KIF23: variants seen among roughly 807,000 people sequenced by gnomAD.
The protein encoded by KIF23 is kinesin-like protein KIF23.
Under a neutral mutation model 137.5 loss-of-function variants are expected in KIF23, and 30 were observed. The ratio of observed to expected loss-of-function variants is 0.22; its 90% confidence interval spans 0.16 to 0.30. The LOEUF (loss-of-function observed/expected upper bound fraction) is 0.30. KIF23 is among the 10% of genes least tolerant of loss of function. The pLI is 1.00. For synonymous variants in KIF23, 367 were observed against 391.1 expected, an observed-to-expected ratio of 0.94 and a Z score of 0.73; for missense variants, 920 against 1,194.3, an observed-to-expected ratio of 0.77 and a Z score of 3.38.
intron 10 of KIF23, 130 bp downstream of exon 10, chr15:69,426,587 G>A (rs1595991226): frequency 1.1e-6 from 1 of 893,746 alleles, no homozygotes; most frequent in East Asian, 2.5e-5. Flanking sequence ...GCATGGTGAT[G>A]CACCACTCCT....
At chr15:69,435,077 C>G (rs750225785) in intron 11 of KIF23, 49 of 497,642 alleles carry the variant, frequency 9.8e-5, no homozygotes, top group Non-Finnish European at 1.8e-4. Flanking sequence ...ATTCTTCCCC[C>G]ACCCCCAGAA....
rs1245743540 is a variant in KIF23, at chr15:69,446,285, G to C, written c.2759G>C (p.Ser920Thr). The change falls in exon 22 of 24, where the codon AGT (serine) becomes ACT (threonine). Residue 920 changes from serine (S) to threonine (T), a missense_variant and splice_region_variant. Physicochemically the swap from Ser to Thr is moderately conservative, Grantham distance 58. This residue lies in a region of KIF23 where 75 missense variants were observed against 177.9 expected (regional missense o/e 0.42). Coordinates refer to ENST00000679126, the MANE Select transcript of KIF23 (RefSeq NM_001367805.3). Reference sequence around the variant, plus strand: ...GCATCATGTTTCCCCTTTTTCAGTAGTCGAAAACGAAGATCTTCCACAGTA... The same window carrying C: ...GCATCATGTTTCCCCTTTTTCAGTACTCGAAAACGAAGATCTTCCACAGTA... Reference protein sequence around the residue: ...ETLKQESPNGSRKRRSSTVAP... With the variant: ...ETLKQESPNGTRKRRSSTVAP... 2 of 1,613,626 alleles carry C rather than the reference G, an allele frequency of 1.2e-6. No individual in the cohort carries two copies. Among genetic ancestry groups the C allele is most frequent in the Admixed American group, 3.3e-5 (2 of 59,982 alleles).
intron 4 of KIF23, 96 bp from the exon 5 acceptor site, chr15:69,421,896 G>C: frequency 6.8e-7 from 1 of 1,477,608 alleles, no homozygotes. Flanking sequence ...TGCCTTTTTT[G>C]AGCTGGCTAA....
intron 19 of KIF23, among the ~76,000 whole-genome samples, chr15:69,441,397 C>G (rs1420365244): frequency 1.3e-5 from 2 of 152,186 alleles, no homozygotes; most frequent in South Asian, 2.1e-4. Context: ...TTAAAGCATA[C>G]TTTCCATATT....
chr15:69,442,061 C>CT (rs1327289624), intron 19 of KIF23, among the ~76,000 whole-genome samples: 4 of 151,964 alleles, frequency 2.6e-5, no homozygotes, highest in Non-Finnish European at 5.9e-5. Flanking sequence ...CACCAGCCAG[C>CT]TTTTTTTTCA....
chr15:69,418,351 T>C (rs984934261), intron 3 of KIF23, among the ~76,000 whole-genome samples: 16 of 152,310 alleles, frequency 1.1e-4, no homozygotes, highest in Non-Finnish European at 1.2e-4. Flanking sequence ...TTCAACCACT[T>C]ACTTGATATC....
chr15:69,437,456 C>CTT lies in KIF23; in HGVS notation c.1597+755_1597+756dup, dbSNP rs772460557. ...GTATCTCAGTGAATGAATGTATCTA[C>CTT]TTTTTTTTTTTTTTTTTTTTTTGAG... On this transcript the variant is annotated intron_variant, in intron 15 of 23. Transcript: ENST00000679126. Among the ~76,000 whole-genome samples, 246 of 120,504 alleles carry CTT rather than the reference C, an allele frequency of 2.0e-3. 1 individual carries two copies. Among genetic ancestry groups the CTT allele is most frequent in the East Asian group, 2.7e-3 (11 of 4,046 alleles). 79.1% of individuals were successfully genotyped at this position (120,504 alleles called of 152,430 possible).
At chr15:69,447,753 T>G in intron 23 of KIF23, 39 bp from the exon 24 acceptor site, 1 of 1,586,832 alleles carries the variant, frequency 6.3e-7, no homozygotes, top group Middle Eastern at 1.7e-4. Flanking sequence ...TGTTACTAAT[T>G]GCAAAGTTCA....
intron 15 of KIF23, 81 bp from the exon 16 acceptor site, chr15:69,438,167 T>C: frequency 8.2e-7 from 1 of 1,220,340 alleles, no homozygotes; most frequent in Non-Finnish European, 1.1e-6. Context: ...CTACATTTTA[T>C]CTAGTGTCTG....
chr15:69,443,326 GTTTTTTTTTTTTTT>G (rs10538305), intron 19 of KIF23, among the ~76,000 whole-genome samples: 14 of 58,586 alleles, frequency 2.4e-4, no homozygotes, highest in South Asian at 1.5e-3. Context: ...TGTTTTTTGG[GTTTTTTTTTTTTTT>G]TTTTTTTTTT....
intron 14 of KIF23, 51 bp from the exon 15 acceptor site, chr15:69,436,513 A>G: frequency 6.7e-7 from 1 of 1,486,064 alleles, no homozygotes; most frequent in Non-Finnish European, 9.2e-7. Flanking sequence ...TGTTTAAATA[A>G]GCTCTTTCTC....
Position 69,446,867 on chromosome 15 carries a change from T to G in KIF23, c.2839-4T>G, listed in dbSNP as rs1178031108. The G allele has an allele frequency of 3.7e-6, 6 of 1,614,022 alleles. No individual in the cohort carries two copies. On this transcript the variant is annotated splice_region_variant and splice_polypyrimidine_tract_variant and intron_variant, in intron 22 of 23. Coordinates refer to ENST00000679126, the MANE Select transcript of KIF23 (RefSeq NM_001367805.3). ...TCTTTTTCCTCTTGTCATTTTCCTC[T>G]CAGTGTTCTGTGGCTGTGGAGATGA...
At chr15:69,422,570 T>A in intron 6 of KIF23, 135 bp downstream of exon 6, 1 of 621,372 alleles carries the variant, frequency 1.6e-6, no homozygotes, top group Non-Finnish European at 2.8e-6. Flanking sequence ...GGAATGTTCT[T>A]AAGTTCTTTG....
intron 3 of KIF23, among the ~76,000 whole-genome samples, chr15:69,418,731 G>A (rs1320712918): frequency 2.0e-5 from 3 of 152,146 alleles, no homozygotes; most frequent in Non-Finnish European, 2.9e-5. Flanking sequence ...TACAACTTGT[G>A]CTAGATGGAA....
At chr15:69,417,612 T>C (rs2056951591) in intron 3 of KIF23, 101 bp downstream of exon 3, 7 of 1,272,400 alleles carry the variant, frequency 5.5e-6, no homozygotes, top group Non-Finnish European at 7.6e-6. Context: ...AGCCCACATT[T>C]TCAAAAGACT....
Position 69,444,784 on chromosome 15 carries a change from T to C in KIF23, c.2422-6T>C. 2 of 1,612,356 alleles carry C rather than the reference T, an allele frequency of 1.2e-6. No homozygotes were observed. The highest frequency in any genetic ancestry group is 1.7e-4 in the Middle Eastern group (1 of 6,058). ...AAATTAATTCTGGGTTATGCTTGTT[T>C]CTCAGTTACTCTTTCAACCTGATCA... On this transcript the variant is annotated splice_region_variant and splice_polypyrimidine_tract_variant and intron_variant, in intron 19 of 23. Coordinates refer to ENST00000679126, the MANE Select transcript of KIF23 (RefSeq NM_001367805.3). This position sits in a 1 kb window ranked among gnomAD's most constrained non-coding sequence, Gnocchi z 4.2.
chr15:69,446,017 T>C lies in KIF23; in HGVS notation c.2682T>C (p.Ile894=), dbSNP rs771052980. The C allele has an allele frequency of 2.5e-6, 4 of 1,613,416 alleles. No individual in the cohort carries two copies. The South Asian group carries it at 4.4e-5, about 18-fold the overall frequency. ...TTTTCTTTTGGCTTTAGGGTGATAT[T>C]TATAAAACAAGGGGTGGTGGACAAT... is the stretch of plus-strand genomic sequence containing the variant. ...EIETKLIKGD[I]YKTRGGGQSV... is the part of the protein sequence containing the mutation. The change falls in exon 21 of 24, where the codon ATT becomes ATC. Residue 894 remains isoleucine (I), a synonymous_variant. Transcript: ENST00000679126.
At chr15:69,427,892 A>C (rs1009187279) in intron 10 of KIF23, among the ~76,000 whole-genome samples, 1 of 152,210 alleles carries the variant, frequency 6.6e-6, no homozygotes, top group Non-Finnish European at 1.5e-5. Flanking sequence ...TGAGAATTAA[A>C]GGAGGTAATG....
intron 2 of KIF23, 83 bp downstream of exon 2, chr15:69,416,146 G>A: frequency 1.2e-6 from 1 of 849,050 alleles, no homozygotes; most frequent in South Asian, 2.1e-5. Flanking sequence ...ATGCTTGGAA[G>A]GGAAAGAAGA....
Sources: gnomAD v4.1 joint callset for allele counts (sites outside exome capture counted in the v4.1 genomes callset) on GRCh38, gnomAD v4.1.1 for gene constraint, gnomAD v4.1.1 regional missense constraint, Gnocchi (gnomAD v3.1) non-coding constraint, MANE v1.5 for transcripts, NCBI Gene and HGNC (gene_info 2026-07-23, HGNC 2026-07-21) for gene names.